Variants in MUC20 observed in about 807,000 individuals in gnomAD.
The protein encoded by MUC20 is mucin-20.
A neutral mutation model predicts 23.8 loss-of-function variants in MUC20; 14 were observed. That is an observed-to-expected ratio of 0.59 (90% confidence interval 0.39 to 0.92). The LOEUF (loss-of-function observed/expected upper bound fraction) is 0.92, where lower values mean the gene tolerates loss of function less well. MUC20 is among the 40% of genes least tolerant of loss of function. The probability of loss-of-function intolerance (pLI) is 0.00; values close to 1 mark genes in which losing one functional copy is unlikely to be tolerated. For synonymous variants in MUC20, 166 were observed against 279.3 expected (o/e 0.59, Z 4.04); for missense variants, 375 against 668.8 (o/e 0.56, Z 4.85).
In MUC20 at chr3:195,726,584, C is replaced by T; in HGVS notation, c.1969+12C>T. ...AGACGTGAGTGCAGGTAAGTGGCTC[C>T]TGCTGGTGATCTTCGGGGATTTGGG... On this transcript the variant is annotated intron_variant, in intron 2 of 3. Transcript: ENST00000447234. 1.2e-6 allele frequency: 2 copies of T among 1,600,922 alleles called. No homozygotes were observed. Among genetic ancestry groups the T allele is most frequent in the Non-Finnish European group, 1.7e-6 (2 of 1,171,234 alleles).
chr3:195,729,570 C>A (rs2148705947), intron 2 of MUC20, 78 bp from the exon 3 acceptor site: 2 of 1,359,604 alleles, frequency 1.5e-6, no homozygotes, highest in East Asian at 2.5e-5. Flanking sequence ...CCTGCCTCTG[C>A]CTCCCAAAGT....
intron 3 of MUC20, among the ~76,000 whole-genome samples, chr3:195,732,841 A>T (rs967217181): frequency 2.0e-5 from 3 of 152,276 alleles, no homozygotes; most frequent in Non-Finnish European, 4.4e-5. Context: ...GGATTAGACA[A>T]TGAGCTTAGG....
At chr3:195,731,717 G>T (rs1262507963) in intron 3 of MUC20, among the ~76,000 whole-genome samples, 1 of 152,250 alleles carries the variant, frequency 6.6e-6, no homozygotes, top group Non-Finnish European at 1.5e-5. Flanking sequence ...GTCCTGAGTA[G>T]GAACATTTGA....
chr3:195,727,724 C>G (rs1378255867), intron 2 of MUC20, among the ~76,000 whole-genome samples: 1 of 152,290 alleles, frequency 6.6e-6, no homozygotes, highest in African/African-American at 2.4e-5. Context: ...GCAGAACGTT[C>G]TCTCCGGTGC....
chr3:195,733,061 T>G lies in MUC20; in HGVS notation c.2062-89T>G, dbSNP rs539649762. 443 of 1,414,868 alleles carry G rather than the reference T, an allele frequency of 3.1e-4. No homozygotes were observed. The African/African-American group carries it at 5.6e-3, about 18-fold the overall frequency. 87.6% of individuals were successfully genotyped at this position (1,414,868 alleles called of 1,614,324 possible). A position where few individuals can be genotyped will look rare whatever the true frequency, so the allele number is the denominator to read the frequency against. On this transcript the variant is annotated intron_variant, in intron 3 of 3. Transcript: ENST00000447234. ...AAGGGTTGCCGTCCTCCGCATGCAC[T>G]CTGCCCCAGTGTCCCTTCCTGTCCT... is the stretch of plus-strand genomic sequence containing the variant.
Position 195,733,296 on chromosome 3 carries a change from C to T in MUC20, c.*78C>T. 6.5e-7 allele frequency: 1 copy of T among 1,550,046 alleles called. No homozygotes were observed. ...CCTAGCCTGGGCCCCCACCGACAGA[C>T]TGCAGCTGCGTTACTGTGCTGAGAG... On this transcript the variant is annotated 3_prime_UTR_variant, in exon 4 of 4. Transcript: ENST00000447234.
intron 1 of MUC20, among the ~76,000 whole-genome samples, 199 bp downstream of exon 1, chr3:195,721,282 T>C (rs1203987818): frequency 6.6e-6 from 1 of 151,942 alleles, no homozygotes; most frequent in Admixed American, 6.5e-5. Context: ...TGCATGGCGC[T>C]GCAGTACACA....
chr3:195,729,508 AT>A, intron 2 of MUC20, 139 bp from the exon 3 acceptor site: 1 of 774,314 alleles, frequency 1.3e-6, no homozygotes, highest in South Asian at 1.7e-5. Context: ...TAAAGACGGG[AT>A]TTCTCCATGT....
chr3:195,722,901 G>A (rs1378970032), intron 1 of MUC20: 15 of 790,832 alleles, frequency 1.9e-5, no homozygotes, highest in Non-Finnish European at 2.3e-5. Context: ...GCCTGGGGGT[G>A]CAGCCCGCAC....
chr3:195,726,385 C>A lies in MUC20; in HGVS notation c.1782C>A (p.Ile594=), dbSNP rs200060340. Residue 594 remains isoleucine, a synonymous_variant, in exon 2 of 4, where the codon ATC becomes ATA. Coordinates refer to ENST00000447234, the MANE Select transcript of MUC20 (RefSeq NM_001282506.2). Reference sequence around the variant, plus strand: ...CTTCAGAGACACCGACCATGGACATCGCAACCAAGGGGCCCTTCCCCACCA... The same window carrying A: ...CTTCAGAGACACCGACCATGGACATAGCAACCAAGGGGCCCTTCCCCACCA... ...FTPSETPTMD[I]ATKGPFPTSR... 6.8e-4 allele frequency: 1,101 copies of A among 1,613,350 alleles called. No homozygotes were observed. Among genetic ancestry groups the A allele is most frequent in the Middle Eastern group, 2.1e-3 (13 of 6,050 alleles).
chr3:195,730,298 C>T (rs935344824), intron 3 of MUC20, among the ~76,000 whole-genome samples: 7 of 152,262 alleles, frequency 4.6e-5, no homozygotes, highest in Non-Finnish European at 4.4e-5. Context: ...CATAGATTCA[C>T]AAGGGACTTC....
intron 3 of MUC20, chr3:195,730,099 CAAAAAA>C (rs4036961): frequency 3.6e-3 from 336 of 93,138 alleles, no homozygotes; most frequent in East Asian, 0.019. Context: ...GCAGTTTATG[CAAAAAA>C]AAAAAAAAAA....
chr3:195,733,372 G>C lies in MUC20; in HGVS notation c.*154G>C. The C allele has an allele frequency of 6.8e-7, 1 of 1,475,026 alleles. No homozygotes were observed. 91.4% of individuals were successfully genotyped at this position (1,475,026 alleles called of 1,614,324 possible). ...CAGCATGTCCAAGCCCCTGACCCCAGATGTGGCAACAGGACCCTCGCTCAC... is the reference window on the plus strand; with the variant it reads ...CAGCATGTCCAAGCCCCTGACCCCACATGTGGCAACAGGACCCTCGCTCAC... On this transcript the variant is annotated 3_prime_UTR_variant, in exon 4 of 4. Transcript: ENST00000447234.
At chr3:195,732,002 T>C (rs1280463940) in intron 3 of MUC20, among the ~76,000 whole-genome samples, 1 of 151,898 alleles carries the variant, frequency 6.6e-6, no homozygotes, top group Non-Finnish European at 1.5e-5. Flanking sequence ...TTTGTTTTGT[T>C]TTGTTTTGTT....
intron 1 of MUC20, among the ~76,000 whole-genome samples, chr3:195,723,135 C>T: frequency 6.6e-6 from 1 of 151,576 alleles, no homozygotes; most frequent in African/African-American, 2.4e-5. Context: ...GAGGCTGAGT[C>T]AGGATTTGAA....
intron 3 of MUC20, 70 bp from the exon 4 acceptor site, chr3:195,733,080 C>A: frequency 6.6e-7 from 1 of 1,510,396 alleles, no homozygotes; most frequent in Non-Finnish European, 9.0e-7. Flanking sequence ...GTGTCCCTTC[C>A]TGTCCTCTGC....
intron 1 of MUC20, chr3:195,721,825 C>T (rs6763696): frequency 0.059 from 8,550 of 146,012 alleles, no homozygotes; most frequent in East Asian, 0.4. Context: ...GTCAGGAGTT[C>T]GAGACCAGCC....
Position 195,726,278 on chromosome 3 carries a change from G to T in MUC20, c.1675G>T (p.Ala559Ser). The change falls in exon 2 of 4, where the codon GCA becomes TCA. Residue 559 changes from alanine to serine, a missense_variant. Ala to Ser is a moderately conservative substitution (Grantham distance 99, BLOSUM62 1). Transcript: ENST00000447234. ...TCCGGTCTCCATAGAGGCTGGGTCA[G>T]CAGTGGGCAAAACAACTTCCTTTGC... Reference protein sequence around the residue: ...AAPVSIEAGSAVGKTTSFAGS... With the variant: ...AAPVSIEAGSSVGKTTSFAGS... 6.2e-7 allele frequency: 1 copy of T among 1,614,078 alleles called. No homozygotes were observed. The highest frequency in any genetic ancestry group is 8.5e-7 in the Non-Finnish European group (1 of 1,179,900).
In MUC20 at chr3:195,726,081, A is replaced by G; in HGVS notation, c.1478A>G (p.Asp493Gly). The change falls in exon 2 of 4, where the codon GAT becomes GGT. Residue 493 changes from aspartate (D) to glycine (G), a missense_variant. Physicochemically the swap from Asp to Gly is moderately conservative, Grantham distance 94 (BLOSUM62 -1). Around this residue, in one of 4 missense-constraint regions of MUC20, gnomAD observed 343 missense variants for 340.2 expected, o/e 1.01. Transcript: ENST00000447234. The stretch of plus-strand genomic sequence containing the variant: ...GGCACCACAGAGTCAGCTGCACCTG[A>G]TGCCACGGTTGGGACCCCACTCCCC... Reference protein sequence around the residue: ...TAGTTESAAPDATVGTPLPTN... With the variant: ...TAGTTESAAPGATVGTPLPTN... 6.2e-7 allele frequency: 1 copy of G among 1,612,704 alleles called. No individual in the cohort carries two copies. The highest frequency in any genetic ancestry group is 2.2e-5 in the East Asian group (1 of 44,888).
Sources: gnomAD v4.1 joint callset for allele counts (sites outside exome capture counted in the v4.1 genomes callset) on GRCh38, gnomAD v4.1.1 for gene constraint, gnomAD v4.1.1 regional missense constraint, MANE v1.5 for transcripts, NCBI Gene and HGNC (gene_info 2026-07-23, HGNC 2026-07-21) for gene names.